Variants in PCDH9 observed in about 807,000 individuals in gnomAD.
PCDH9 encodes the protein protocadherin-9.
PCDH9 carries 24 observed loss-of-function variants against 70.6 expected under a neutral mutation model. The ratio of observed to expected loss-of-function variants is 0.34; its 90% CI spans 0.25 to 0.48. The LOEUF (loss-of-function observed/expected upper bound fraction) is 0.48, where lower values mean the gene tolerates loss of function less well. Among genes scored for constraint, PCDH9 ranks in the 20% least tolerant of loss-of-function variants. The pLI, the probability that PCDH9 is intolerant of heterozygous loss-of-function variation, is 0.99. For synonymous variants in PCDH9, 562 were observed against 558.5 expected (o/e 1.01, Z -0.09); for missense variants, 1,281 against 1,503.6 (o/e 0.85, Z 2.45).
intron 2 of PCDH9, among the ~76,000 whole-genome samples, chr13:67,028,210 A>G (rs1469440876): frequency 6.8e-6 from 1 of 147,796 alleles, no homozygotes; most frequent in Non-Finnish European, 1.5e-5. Flanking sequence ...AAAATGTGGC[A>G]CATATACACC....
chr13:66,347,873 C>T (rs1026007565), intron 4 of PCDH9, among the ~76,000 whole-genome samples: 2 of 152,196 alleles, frequency 1.3e-5, no homozygotes, highest in Admixed American at 1.3e-4. Context: ...ACATGCTCTT[C>T]TACAAATCTG....
chr13:66,725,210 G>T (rs1338387932), intron 3 of PCDH9, among the ~76,000 whole-genome samples: 1 of 151,978 alleles, frequency 6.6e-6, no homozygotes, highest in Non-Finnish European at 1.5e-5. Context: ...AATTCTGTTG[G>T]CTCAACTTTC....
intron 2 of PCDH9, among the ~76,000 whole-genome samples, chr13:66,910,281 A>C (rs1406021670): frequency 2.0e-5 from 3 of 152,202 alleles, no homozygotes; most frequent in Non-Finnish European, 2.9e-5. Context: ...GAGAAAACAA[A>C]AGCTGATTTT....
At chr13:66,948,943 T>C (rs908995271) in intron 2 of PCDH9, among the ~76,000 whole-genome samples, 6 of 152,102 alleles carry the variant, frequency 3.9e-5, no homozygotes, top group African/African-American at 9.7e-5. Flanking sequence ...TATTTTTGCA[T>C]AGAAAATTAC....
chr13:67,009,250 G>A (rs1320112744), intron 2 of PCDH9, among the ~76,000 whole-genome samples: 3 of 152,046 alleles, frequency 2.0e-5, no homozygotes, highest in Admixed American at 6.6e-5. Context: ...TGATGGGACT[G>A]TACATTGAGA....
intron 4 of PCDH9, among the ~76,000 whole-genome samples, chr13:66,422,399 A>G (rs1165317904): frequency 6.6e-6 from 1 of 152,176 alleles, no homozygotes; most frequent in East Asian, 1.9e-4. Context: ...AATCGACCAC[A>G]TAATTGGAAG....
At chr13:66,738,344 A>T (rs910054125) in intron 3 of PCDH9, among the ~76,000 whole-genome samples, 1 of 151,830 alleles carries the variant, frequency 6.6e-6, no homozygotes, top group South Asian at 2.1e-4. Context: ...CCATCTGTAC[A>T]TCACCATCAT....
At chr13:66,400,536 T>G (rs779737311) in intron 4 of PCDH9, among the ~76,000 whole-genome samples, 3 of 152,166 alleles carry the variant, frequency 2.0e-5, no homozygotes, top group Non-Finnish European at 4.4e-5. Flanking sequence ...CCTTTATAAA[T>G]TTGCATTTGC....
chr13:66,374,190 C>T (rs1956708501), intron 4 of PCDH9, among the ~76,000 whole-genome samples: 1 of 151,938 alleles, frequency 6.6e-6, no homozygotes, highest in Non-Finnish European at 1.5e-5. Context: ...CTTACCAGGT[C>T]TGTATATTTA....
intron 4 of PCDH9, among the ~76,000 whole-genome samples, chr13:66,407,259 G>C (rs1957295377): frequency 6.6e-6 from 1 of 152,228 alleles, no homozygotes; most frequent in Non-Finnish European, 1.5e-5. Flanking sequence ...ATCTGAGAGA[G>C]AAGAAAATGT....
chr13:66,602,729 T>A (rs1407131957), intron 4 of PCDH9, among the ~76,000 whole-genome samples: 1 of 145,742 alleles, frequency 6.9e-6, no homozygotes, highest in African/African-American at 2.5e-5. Flanking sequence ...TAGTGCAAAG[T>A]ATGTCCTAGG....
At chr13:66,885,593 G>A (rs1017747130) in intron 3 of PCDH9, among the ~76,000 whole-genome samples, 1 of 152,004 alleles carries the variant, frequency 6.6e-6, no homozygotes, top group Non-Finnish European at 1.5e-5. Context: ...AGTAACAATT[G>A]GGATTATGCA....
At chr13:66,342,141 G>T (rs2138147273) in intron 4 of PCDH9, among the ~76,000 whole-genome samples, 1 of 152,288 alleles carries the variant, frequency 6.6e-6, no homozygotes, top group South Asian at 2.1e-4. Context: ...GAATTAAAAT[G>T]AATCTGAACA....
chr13:66,512,303 T>TATAC (rs1491228217), intron 4 of PCDH9, among the ~76,000 whole-genome samples: 1 of 146,378 alleles, frequency 6.8e-6, no homozygotes, highest in Non-Finnish European at 1.5e-5. Context: ...TATATATATA[T>TATAC]ACACAATAAG....
At chr13:66,336,492 T>G (rs1222058737) in intron 4 of PCDH9, among the ~76,000 whole-genome samples, 1 of 152,084 alleles carries the variant, frequency 6.6e-6, no homozygotes, top group Non-Finnish European at 1.5e-5. Flanking sequence ...AATTAAAAGT[T>G]TATTATAAAT....
intron 3 of PCDH9, among the ~76,000 whole-genome samples, chr13:66,700,742 C>G (rs2078627178): frequency 2.0e-5 from 3 of 151,706 alleles, no homozygotes; most frequent in Non-Finnish European, 4.4e-5. Context: ...GCTGCCCTAC[C>G]CCAACAACGA....
chr13:67,183,753 A>G (rs1161594461), intron 2 of PCDH9, among the ~76,000 whole-genome samples: 1 of 152,174 alleles, frequency 6.6e-6, no homozygotes, highest in East Asian at 1.9e-4. Context: ...AACACTTTCA[A>G]TGATTAGAAA....
At chr13:67,173,474 C>T (rs2088355166) in intron 2 of PCDH9, among the ~76,000 whole-genome samples, 1 of 152,072 alleles carries the variant, frequency 6.6e-6, no homozygotes, top group Non-Finnish European at 1.5e-5. Context: ...GAGACTTTGG[C>T]TCATCTGTCA....
At chr13:66,626,197 A>C (rs1467874298) in intron 4 of PCDH9, among the ~76,000 whole-genome samples, 3 of 152,138 alleles carry the variant, frequency 2.0e-5, no homozygotes, top group African/African-American at 7.2e-5. Flanking sequence ...TGGGAAGAAG[A>C]AAGAAGTGAG....
Sources: gnomAD v4.1 joint callset for allele counts (sites outside exome capture counted in the v4.1 genomes callset) on GRCh38, gnomAD v4.1.1 for gene constraint, MANE v1.5 for transcripts, NCBI Gene and HGNC (gene_info 2026-07-23, HGNC 2026-07-21) for gene names.